The following CUEDC1 variants were observed in gnomAD, a reference collection of about 807,000 sequenced individuals.
The protein encoded by CUEDC1 is CUE domain containing 1.
In CUEDC1, 30 loss-of-function variants were observed where a neutral mutation model predicts 43.7. That is an observed-to-expected ratio of 0.69 (90% CI 0.51 to 0.93). CUEDC1 has a LOEUF of 0.93. Ranked by LOEUF, CUEDC1 falls within the 40% of genes least tolerant of loss-of-function variation. The probability of loss-of-function intolerance (pLI) is 0.00; values close to 1 mark genes in which losing one functional copy is unlikely to be tolerated. For missense variants in CUEDC1, 486 were observed against 549.0 expected (o/e 0.89, Z 1.15); for synonymous variants, 223 against 223.6 (o/e 1.00, Z 0.02).
chr17:57,947,147 GAAAA>G (rs34707577), intron 1 of CUEDC1, among the ~76,000 whole-genome samples: 1 of 79,820 alleles, frequency 1.3e-5, no homozygotes. Context: ...GTCACCAGGA[GAAAA>G]AAAAAAAAAA....
chr17:57,890,335 G>C (rs2074341812), intron 1 of CUEDC1, among the ~76,000 whole-genome samples: 1 of 152,234 alleles, frequency 6.6e-6, no homozygotes, highest in Admixed American at 6.5e-5. Flanking sequence ...TGGTAGCAAG[G>C]TCTCTTGGCT....
chr17:57,952,748 C>A (rs558033708), intron 1 of CUEDC1, among the ~76,000 whole-genome samples: 17 of 152,278 alleles, frequency 1.1e-4, no homozygotes, highest in African/African-American at 4.1e-4. Context: ...TGCCATATGC[C>A]AAACACTGTG....
Position 57,866,631 on chromosome 17 carries a change from C to G in CUEDC1, c.1094-87G>C. On this transcript the variant is annotated intron_variant, in intron 9 of 10. Transcript: ENST00000577830. ...CCTAGACTGGGCAAGAGAGCTGACCCGACTCTCTCTGCCCCCTTCATTTGG... is the reference window on the plus strand; with the variant it reads ...CCTAGACTGGGCAAGAGAGCTGACCGGACTCTCTCTGCCCCCTTCATTTGG... The G allele has an allele frequency of 1.1e-5, 14 of 1,327,278 alleles. No homozygotes were observed. In the South Asian group the frequency reaches 1.3e-4, roughly 13 times the overall value. The allele number at this position is 1,327,278 out of a possible 1,614,324, so 82.2% of individuals were successfully genotyped here.
chr17:57,929,100 C>T (rs2074778435), intron 1 of CUEDC1, among the ~76,000 whole-genome samples: 1 of 152,150 alleles, frequency 6.6e-6, no homozygotes, highest in African/African-American at 2.4e-5. Flanking sequence ...AGGCCATTGT[C>T]CTCATTTCCA....
Position 57,872,550 on chromosome 17 carries a change from G to A in CUEDC1, c.784+113C>T, listed in dbSNP as rs2074048646. The A allele has an allele frequency of 7.3e-5, 89 of 1,211,068 alleles. 1 individual carries two copies. In the South Asian group the frequency reaches 1.2e-3, roughly 16 times the overall value. The allele number at this position is 1,211,068 out of a possible 1,614,324, so 75.0% of individuals were successfully genotyped here. A position where few individuals can be genotyped will look rare whatever the true frequency, so the allele number is the denominator to read the frequency against. On this transcript the variant is annotated intron_variant, in intron 5 of 10. Transcript: ENST00000577830. The stretch of plus-strand genomic sequence containing the variant: ...GTGGGAGTCATGCCTCAATAGGACA[G>A]AAAGCACCTGGCCCCCTCAGCCCCC...
chr17:57,865,047 ACT>A (rs1471530761), intron 10 of CUEDC1, among the ~76,000 whole-genome samples: 6 of 151,000 alleles, frequency 4.0e-5, no homozygotes, highest in Non-Finnish European at 8.8e-5. Context: ...ACAGAGCGAG[ACT>A]CTGTCTCAAA....
chr17:57,879,156 G>A (rs2074169445), intron 3 of CUEDC1, among the ~76,000 whole-genome samples: 1 of 152,196 alleles, frequency 6.6e-6, no homozygotes, highest in African/African-American at 2.4e-5. Flanking sequence ...AATTACTGAT[G>A]ACTGGCTGGG....
chr17:57,954,539 C>G lies in CUEDC1; in HGVS notation c.-316+686G>C, dbSNP rs189975860. On this transcript the variant is annotated intron_variant, in intron 1 of 10. Coordinates refer to ENST00000577830, the MANE Select transcript of CUEDC1 (RefSeq NM_001271875.2). The surrounding 1 kb of genome is among the most constrained non-coding windows in gnomAD (Gnocchi z 4.3). ...GAATGAATAAACGCTGACACCAGCC[C>G]CCCTTGGAGCTCAGAGCCTGGGGCA... Among the ~76,000 whole-genome samples, 4 of 152,116 alleles carry G rather than the reference C, an allele frequency of 2.6e-5. No homozygotes were observed. The highest frequency in any genetic ancestry group is 2.6e-4 in the Admixed American group (4 of 15,286).
At chr17:57,918,640 G>C (rs770984999) in intron 1 of CUEDC1, among the ~76,000 whole-genome samples, 1 of 152,142 alleles carries the variant, frequency 6.6e-6, no homozygotes, top group African/African-American at 2.4e-5. Context: ...GAGTTTTTCC[G>C]ACACAAAGTA....
At chr17:57,947,516 G>A (rs1220029202) in intron 1 of CUEDC1, among the ~76,000 whole-genome samples, 1 of 152,038 alleles carries the variant, frequency 6.6e-6, no homozygotes, top group Non-Finnish European at 1.5e-5. Context: ...TTTTGTGCTC[G>A]AGCCAGGCAC....
At chr17:57,863,781 G>A (rs1373771021) in intron 10 of CUEDC1, among the ~76,000 whole-genome samples, 2 of 152,020 alleles carry the variant, frequency 1.3e-5, no homozygotes, top group South Asian at 2.1e-4. Context: ...GGCTGAGGCG[G>A]GCCGAGGTCA....
chr17:57,897,487 GGTGAAACCCC>G (rs1225731128), intron 1 of CUEDC1, among the ~76,000 whole-genome samples: 1 of 151,840 alleles, frequency 6.6e-6, no homozygotes, highest in East Asian at 1.9e-4. Flanking sequence ...TGGCTAACAC[GGTGAAACCCC>G]GTCTCTACTA....
intron 1 of CUEDC1, among the ~76,000 whole-genome samples, chr17:57,919,491 T>C (rs1257231308): frequency 6.6e-6 from 1 of 152,156 alleles, no homozygotes; most frequent in Non-Finnish European, 1.5e-5. Context: ...AATTTTTTAA[T>C]ATATGAGGGG....
chr17:57,932,159 G>C (rs1054209451), intron 1 of CUEDC1, among the ~76,000 whole-genome samples: 6 of 151,838 alleles, frequency 4.0e-5, no homozygotes, highest in Non-Finnish European at 8.8e-5. Context: ...GTACATGCCT[G>C]TAATCCCAGC....
At chr17:57,946,276 TTC>T (rs1451075362) in intron 1 of CUEDC1, among the ~76,000 whole-genome samples, 1 of 152,202 alleles carries the variant, frequency 6.6e-6, no homozygotes, top group Non-Finnish European at 1.5e-5. Context: ...AATTCAGTGA[TTC>T]TCTCTTTTCA....
chr17:57,873,316 C>G (rs2074062491), intron 4 of CUEDC1, among the ~76,000 whole-genome samples: 1 of 152,144 alleles, frequency 6.6e-6, no homozygotes, highest in Non-Finnish European at 1.5e-5. Context: ...CACCATTGGC[C>G]ACCCCATGCC....
At chr17:57,939,722 C>T (rs2586085) in intron 1 of CUEDC1, among the ~76,000 whole-genome samples, 115,384 of 152,044 alleles carry the variant, frequency 0.76, 45,406 homozygotes, top group East Asian at 0.99. Context: ...CAGTGGTAGA[C>T]AGCTGATCCA....
At chr17:57,948,548 A>G (rs910752627) in intron 1 of CUEDC1, among the ~76,000 whole-genome samples, 1 of 152,176 alleles carries the variant, frequency 6.6e-6, no homozygotes, top group Non-Finnish European at 1.5e-5. Flanking sequence ...AAATTTAAGT[A>G]ATCTTCTAGC....
At chr17:57,936,441 C>G (rs2074862693) in intron 1 of CUEDC1, among the ~76,000 whole-genome samples, 1 of 152,220 alleles carries the variant, frequency 6.6e-6, no homozygotes, top group African/African-American at 2.4e-5. Context: ...AATCCCAGCC[C>G]TCACAACCAG....
Sources: allele counts gnomAD v4.1 joint callset (sites outside exome capture counted in the v4.1 genomes callset), GRCh38; gene constraint gnomAD v4.1.1; non-coding constraint Gnocchi (gnomAD v3.1); transcripts MANE v1.5; gene names NCBI Gene and HGNC (gene_info 2026-07-23, HGNC 2026-07-21).